The following TMEM92 variants were observed in gnomAD, a reference collection of about 807,000 sequenced individuals.
The protein encoded by TMEM92 is transmembrane protein 92.
TMEM92 carries 15 observed loss-of-function variants against 14.6 expected under a neutral mutation model. That is an observed-to-expected ratio of 1.03 (90% CI 0.69 to 1.58). TMEM92 has a LOEUF of 1.58. Among genes scored for constraint, TMEM92 ranks in the 40% most tolerant of loss-of-function variants. TMEM92 has a pLI of 0.00. For missense variants in TMEM92, 174 were observed against 202.4 expected, an observed-to-expected ratio of 0.86 and a Z score of 0.85; for synonymous variants, 85 against 83.3, an observed-to-expected ratio of 1.02 and a Z score of -0.11.
At chr17:50,275,637 A>G (rs1910406629) in intron 1 of TMEM92, among the ~76,000 whole-genome samples, 1 of 152,092 alleles carries the variant, frequency 6.6e-6, no homozygotes, top group Admixed American at 6.6e-5. Context: ...ATGTGGGGAG[A>G]CAATCTGGGA....
chr17:50,275,766 G>A (rs1910410469), intron 1 of TMEM92, among the ~76,000 whole-genome samples: 1 of 152,150 alleles, frequency 6.6e-6, no homozygotes, highest in Non-Finnish European at 1.5e-5. Context: ...GGGTCTGAGG[G>A]GGAAGGGGTG....
intron 1 of TMEM92, 124 bp from the exon 2 acceptor site, chr17:50,277,591 G>A: frequency 1.8e-6 from 2 of 1,139,234 alleles, no homozygotes; most frequent in Non-Finnish European, 2.6e-6. Context: ...TGGCTTGCAG[G>A]AAGAGGCTGA....
chr17:50,277,269 G>A (rs930561890), intron 1 of TMEM92, among the ~76,000 whole-genome samples: 4 of 152,102 alleles, frequency 2.6e-5, no homozygotes, highest in Admixed American at 6.5e-5. Flanking sequence ...CTGCTCACTC[G>A]GGAGGTCTCT....
At chr17:50,274,380 T>A (rs1910350729), upstream of TMEM92, 1 of 963,568 alleles carries the variant, frequency 1.0e-6, no homozygotes, top group Non-Finnish European at 1.6e-6. Flanking sequence ...CTGCCCCGAG[T>A]CCGCCTCTCC....
At position 50,278,890 on chromosome 17, in the gene TMEM92, A is replaced by C; in HGVS notation, c.260A>C (p.Glu87Ala). ...TTCTGTCGCAACTGCAGAGAGCCGGAGCCAGACAGCCCAGTGGATTGCCGG... is the reference window on the plus strand; with the variant it reads ...TTCTGTCGCAACTGCAGAGAGCCGGCGCCAGACAGCCCAGTGGATTGCCGG... ...KCFCRNCREP[E>A]PDSPVDCRGP... Residue 87 changes from glutamate (E) to alanine (A), a missense_variant, in exon 4 of 5, where the codon GAG (glutamate) becomes GCG (alanine). Transcript: ENST00000507382. 1.2e-6 allele frequency: 2 copies of C among 1,613,792 alleles called. No homozygotes were observed. Among genetic ancestry groups the C allele is most frequent in the Non-Finnish European group, 1.7e-6 (2 of 1,179,882 alleles).
rs997811099 is a variant in TMEM92 at position 50,279,502 on chromosome 17, G to A, written c.*194G>A. On this transcript the variant is annotated 3_prime_UTR_variant, in exon 5 of 5. Transcript: ENST00000507382. ...CCTCTCTTGTCCTGAGGGTTAGGCT[G>A]GAGTGACAGTTTCCGCCCACCCCCC... 14 of 549,666 alleles carry A rather than the reference G, an allele frequency of 2.5e-5. No homozygotes were observed. Among genetic ancestry groups the A allele is most frequent in the Non-Finnish European group, 3.5e-5 (11 of 312,494 alleles). The allele number at this position is 549,666 out of a possible 1,614,324, so 34.0% of individuals were successfully genotyped here.
chr17:50,274,791 G>A (rs994258647), intron 1 of TMEM92: 1 of 571,206 alleles, frequency 1.8e-6, no homozygotes, highest in African/African-American at 1.9e-5. Flanking sequence ...GGATCCTGTG[G>A]TGGGAAGTGG....
upstream of TMEM92, chr17:50,274,418 C>G: frequency 6.8e-7 from 1 of 1,463,370 alleles, no homozygotes; most frequent in Non-Finnish European, 9.5e-7. Flanking sequence ...CATCCCGAGG[C>G]GGGGCCCCAT....
intron 2 of TMEM92, among the ~76,000 whole-genome samples, chr17:50,278,311 T>A (rs561334665): frequency 6.6e-6 from 1 of 152,176 alleles, no homozygotes; most frequent in Non-Finnish European, 1.5e-5. Flanking sequence ...ACAGGATACT[T>A]CTTCTACCCG....
upstream of TMEM92, chr17:50,274,442 TG>T: frequency 6.3e-7 from 1 of 1,576,162 alleles, no homozygotes; most frequent in Non-Finnish European, 8.7e-7. Flanking sequence ...TGGAGAGAAG[TG>T]GGAGAGGTCG....
intron 4 of TMEM92, 62 bp downstream of exon 4, chr17:50,279,058 G>A (rs1598330685): frequency 1.4e-6 from 2 of 1,419,902 alleles, no homozygotes; most frequent in East Asian, 4.6e-5. Flanking sequence ...AGACAGTGGA[G>A]GGCCCTTCGA....
chr17:50,278,411 G>C (rs565015332), intron 2 of TMEM92, 145 bp from the exon 3 acceptor site: 1 of 829,560 alleles, frequency 1.2e-6, no homozygotes. Flanking sequence ...ACTGAGCTCA[G>C]AGCGGGGGCC....
chr17:50,277,609 G>A (rs1910467998), intron 1 of TMEM92, 106 bp from the exon 2 acceptor site: 1 of 1,343,054 alleles, frequency 7.4e-7, no homozygotes, highest in Non-Finnish European at 1.1e-6. Flanking sequence ...TGAGTCTACT[G>A]GGGACCTGCT....
At chr17:50,274,687 A>G (rs926536375) in intron 1 of TMEM92, 117 bp downstream of exon 1, 8 of 880,898 alleles carry the variant, frequency 9.1e-6, no homozygotes, top group Admixed American at 2.6e-5. Flanking sequence ...GACCACACAC[A>G]GTTAGCTACT....
intron 1 of TMEM92, chr17:50,275,066 G>A (rs1044858890): frequency 6.5e-6 from 1 of 153,066 alleles, no homozygotes; most frequent in African/African-American, 2.4e-5. Flanking sequence ...AGCCTGTGGT[G>A]GGATTTGACC....
upstream of TMEM92, chr17:50,274,428 T>C: frequency 6.5e-7 from 1 of 1,537,672 alleles, no homozygotes; most frequent in African/African-American, 1.4e-5. Flanking sequence ...CGGGGCCCCA[T>C]AGGTGGAGAG....
At chr17:50,274,406 C>T (rs1242108084), upstream of TMEM92, 2 of 1,305,372 alleles carry the variant, frequency 1.5e-6, no homozygotes, top group South Asian at 1.2e-5. Flanking sequence ...CAGCTCCGCC[C>T]CCATCCCGAG....
Position 50,277,160 on chromosome 17 carries a change from G to A in TMEM92, c.70-555G>A, listed in dbSNP as rs570057593. Among the ~76,000 whole-genome samples, 188 of 152,242 alleles carry A rather than the reference G, an allele frequency of 1.2e-3. 1 individual carries two copies. Among genetic ancestry groups the A allele is most frequent in the Non-Finnish European group, 1.9e-3 (127 of 68,014 alleles). ...GATCTGAAGGATGAATGGAGGCTTGGACAGGTGTAAAACAGCCAGGTATGT... is the reference window on the plus strand; with the variant it reads ...GATCTGAAGGATGAATGGAGGCTTGAACAGGTGTAAAACAGCCAGGTATGT... On this transcript the variant is annotated intron_variant, in intron 1 of 4. Coordinates refer to ENST00000507382, the MANE Select transcript of TMEM92 (RefSeq NM_153229.3).
chr17:50,273,230 T>A (rs1010953884), upstream of TMEM92, among the ~76,000 whole-genome samples: 2 of 152,156 alleles, frequency 1.3e-5, no homozygotes, highest in Non-Finnish European at 2.9e-5. Context: ...CTGGCTGCAC[T>A]GCTCCTGCCT....
Sources: gnomAD v4.1 joint callset for allele counts (sites outside exome capture counted in the v4.1 genomes callset) on GRCh38, gnomAD v4.1.1 for gene constraint, MANE v1.5 for transcripts, NCBI Gene and HGNC (gene_info 2026-07-23, HGNC 2026-07-21) for gene names.